DAB1: variants seen among roughly 807,000 people sequenced by gnomAD.
The protein encoded by DAB1 is DAB adaptor protein 1, also known as disabled homolog 1.
In DAB1, 15 loss-of-function variants were observed where a neutral mutation model predicts 64.6. The ratio of observed to expected loss-of-function variants is 0.23; its 90% CI spans 0.16 to 0.36. The LOEUF is 0.36. Ranked by LOEUF, DAB1 falls within the 10% of genes least tolerant of loss-of-function variation. The probability of loss-of-function intolerance (pLI) is 1.00; values close to 1 mark genes in which losing one functional copy is unlikely to be tolerated. For synonymous variants in DAB1, 235 were observed against 251.9 expected (o/e 0.93, Z 0.64); for missense variants, 596 against 706.7 (o/e 0.84, Z 1.78).
chr1:57,838,378 T>C (rs920175505), intron 1 of DAB1, among the ~76,000 whole-genome samples: 5 of 152,166 alleles, frequency 3.3e-5, no homozygotes, highest in African/African-American at 1.2e-4. Context: ...GGCATAAATA[T>C]GGGTAATTCT....
At chr1:58,015,221 T>G (rs141310944) in intron 5 of DAB1, among the ~76,000 whole-genome samples, 135 of 152,184 alleles carry the variant, frequency 8.9e-4, no homozygotes, top group African/African-American at 3.0e-3. Context: ...AACAACCAAC[T>G]TTCCTCTTCA....
At chr1:57,179,837 TGGAAC>T (rs1662722807) in intron 2 of DAB1, among the ~76,000 whole-genome samples, 1 of 152,206 alleles carries the variant, frequency 6.6e-6, no homozygotes. Context: ...AGAGTAGCAT[TGGAAC>T]AGACGGTGGA....
intron 5 of DAB1, among the ~76,000 whole-genome samples, chr1:58,018,216 T>A (rs532642689): frequency 6.6e-6 from 1 of 152,238 alleles, no homozygotes; most frequent in South Asian, 2.1e-4. Context: ...CTGCCCTTAC[T>A]TCTCTCCTTG....
At chr1:58,445,368 A>C (rs706445) in intron 3 of DAB1, among the ~76,000 whole-genome samples, 111,824 of 152,112 alleles carry the variant, frequency 0.74, 41,284 homozygotes, top group South Asian at 0.82. Context: ...AAAACCCCAG[A>C]AGATCATGAG....
At chr1:58,094,488 C>G (rs1650867034) in intron 5 of DAB1, among the ~76,000 whole-genome samples, 1 of 152,266 alleles carries the variant, frequency 6.6e-6, no homozygotes, top group Admixed American at 6.5e-5. Context: ...AGTTGCTAAC[C>G]AGGATTCAAA....
intron 6 of DAB1, among the ~76,000 whole-genome samples, chr1:57,695,010 T>G (rs1209293890): frequency 6.6e-6 from 1 of 151,988 alleles, no homozygotes; most frequent in Non-Finnish European, 1.5e-5. Context: ...TCTCCTAAAT[T>G]TTTTAAAAAT....
At chr1:58,454,339 G>A (rs1253690079) in intron 3 of DAB1, among the ~76,000 whole-genome samples, 1 of 152,150 alleles carries the variant, frequency 6.6e-6, no homozygotes, top group African/African-American at 2.4e-5. Context: ...CTGCAGTTTG[G>A]GGGCAGCCAG....
chr1:57,041,764 T>C (rs1008516435), intron 9 of DAB1, among the ~76,000 whole-genome samples: 2 of 152,242 alleles, frequency 1.3e-5, no homozygotes, highest in Non-Finnish European at 2.9e-5. Context: ...TATGATGATT[T>C]TGTAGCACCT....
chr1:57,700,884 T>C (rs999350406), intron 6 of DAB1, among the ~76,000 whole-genome samples: 1 of 152,214 alleles, frequency 6.6e-6, no homozygotes, highest in Non-Finnish European at 1.5e-5. Flanking sequence ...CTGCTTTCTT[T>C]TTTTCCTCTG....
chr1:57,128,824 A>G (rs946294039), intron 4 of DAB1, among the ~76,000 whole-genome samples: 3 of 152,162 alleles, frequency 2.0e-5, no homozygotes, highest in Non-Finnish European at 4.4e-5. Flanking sequence ...GAGCAGAAAA[A>G]TGATCACTTG....
At chr1:58,368,328 C>G (rs955959220) in intron 3 of DAB1, among the ~76,000 whole-genome samples, 1 of 152,034 alleles carries the variant, frequency 6.6e-6, no homozygotes, top group African/African-American at 2.4e-5. Context: ...TTGCAGCGAC[C>G]CCAGCCTGAG....
At chr1:58,236,267 C>G (rs1660034731) in intron 4 of DAB1, among the ~76,000 whole-genome samples, 1 of 152,144 alleles carries the variant, frequency 6.6e-6, no homozygotes, top group African/African-American at 2.4e-5. Flanking sequence ...GTTGGATTCT[C>G]CCATGCATAC....
At chr1:57,832,526 G>T (rs1652634056) in intron 1 of DAB1, among the ~76,000 whole-genome samples, 1 of 152,220 alleles carries the variant, frequency 6.6e-6, no homozygotes, top group South Asian at 2.1e-4. Flanking sequence ...ATTGCTGTGA[G>T]ATTTTTAGTC....
At chr1:58,206,820 C>T (rs1470126490) in intron 4 of DAB1, among the ~76,000 whole-genome samples, 2 of 152,198 alleles carry the variant, frequency 1.3e-5, no homozygotes, top group Non-Finnish European at 2.9e-5. Context: ...TGAAGTTATG[C>T]TCTTTGCTAT....
At chr1:58,167,278 C>T (rs1655893048) in intron 4 of DAB1, among the ~76,000 whole-genome samples, 1 of 151,506 alleles carries the variant, frequency 6.6e-6, no homozygotes, top group Non-Finnish European at 1.5e-5. Flanking sequence ...AATCAGTGCT[C>T]TTTGTCTAGC....
At chr1:57,231,894 A>C (rs886736205) in intron 2 of DAB1, among the ~76,000 whole-genome samples, 8 of 152,188 alleles carry the variant, frequency 5.3e-5, no homozygotes, top group Admixed American at 5.2e-4. Context: ...TGACTCATCC[A>C]GCCTCTTTTC....
intron 2 of DAB1, among the ~76,000 whole-genome samples, chr1:57,214,882 G>T (rs1273220198): frequency 7.3e-6 from 1 of 136,308 alleles, no homozygotes; most frequent in African/African-American, 2.9e-5. Flanking sequence ...CTGCACTCCA[G>T]CCTGGGCGAC....
At chr1:57,651,775 T>C (rs186570211) in intron 6 of DAB1, among the ~76,000 whole-genome samples, 4 of 152,370 alleles carry the variant, frequency 2.6e-5, no homozygotes, top group African/African-American at 9.6e-5. Context: ...TTATATTATA[T>C]GCCATAAAGT....
At chr1:58,496,799 G>C (rs1316475015) in intron 3 of DAB1, among the ~76,000 whole-genome samples, 1 of 152,128 alleles carries the variant, frequency 6.6e-6, no homozygotes, top group African/African-American at 2.4e-5. Context: ...TATTCCATTA[G>C]GGTTAATTTG....
Sources: gnomAD v4.1 joint callset for allele counts (sites outside exome capture counted in the v4.1 genomes callset) on GRCh38, gnomAD v4.1.1 for gene constraint, MANE v1.5 for transcripts, NCBI Gene and HGNC (gene_info 2026-07-23, HGNC 2026-07-21) for gene names.